Variants in ANKS6 observed in about 807,000 individuals in gnomAD.
The protein encoded by ANKS6 is ankyrin repeat and sterile alpha motif domain containing 6, also known as ankyrin repeat and SAM domain-containing protein 6.
In ANKS6, 47 loss-of-function variants were observed where a neutral mutation model predicts 77.9. The ratio of observed to expected loss-of-function variants is 0.60; its 90% confidence interval spans 0.48 to 0.77. The LOEUF is 0.77. Ranked by LOEUF, ANKS6 falls within the 30% of genes least tolerant of loss-of-function variation. The probability of loss-of-function intolerance (pLI) is 0.00; values close to 1 mark genes in which losing one functional copy is unlikely to be tolerated. For synonymous variants in ANKS6, 488 were observed against 501.7 expected, an observed-to-expected ratio of 0.97 and a Z score of 0.37; for missense variants, 1,150 against 1,159.1, an observed-to-expected ratio of 0.99 and a Z score of 0.11.
Position 98,732,441 on chromosome 9 carries a change from A to G in ANKS6, c.*4078T>C. 1 of 1,509,276 alleles carries G rather than the reference A, an allele frequency of 6.6e-7. No individual in the cohort carries two copies. Among genetic ancestry groups the G allele is most frequent in the Non-Finnish European group, 9.0e-7 (1 of 1,110,914 alleles). 93.5% of individuals were successfully genotyped at this position (1,509,276 alleles called of 1,614,324 possible). On this transcript the variant is annotated 3_prime_UTR_variant, in exon 15 of 15. Coordinates refer to ENST00000353234, the MANE Select transcript of ANKS6 (RefSeq NM_173551.5). ...CCAGAGTCAGGCACATTTGGAGGGC[A>G]GGTCCATCGGCCACTCCTCACTTCT...
intron 2 of ANKS6, 152 bp from the exon 3 acceptor site, chr9:98,785,028 C>A (rs1834489959): frequency 1.5e-6 from 1 of 661,388 alleles, no homozygotes. Context: ...AATCCAGCAG[C>A]TCTTCTGGAA....
intron 14 of ANKS6, among the ~76,000 whole-genome samples, chr9:98,739,296 G>A (rs1423531045): frequency 1.3e-5 from 2 of 151,916 alleles, no homozygotes; most frequent in Non-Finnish European, 2.9e-5. Context: ...CAACAACAAC[G>A]ACAACAACAA....
Position 98,768,510 on chromosome 9 carries a change from G to A in ANKS6, c.1973-260C>T, listed in dbSNP as rs13288472. ...CAAAGGCAAAACCCAGTCCATCCTCGCTTTCCCCGTGCCACAGCCAGCTTG... is the reference window on the plus strand; with the variant it reads ...CAAAGGCAAAACCCAGTCCATCCTCACTTTCCCCGTGCCACAGCCAGCTTG... On this transcript the variant is annotated intron_variant, in intron 10 of 14. Coordinates refer to ENST00000353234, the MANE Select transcript of ANKS6 (RefSeq NM_173551.5). 0.013 allele frequency among the ~76,000 whole-genome samples: 2,051 copies of A among 152,230 alleles called. 31 individuals carry two copies. Among genetic ancestry groups the A allele is most frequent in the Non-Finnish European group, 0.021 (1,419 of 68,006 alleles).
intron 11 of ANKS6, among the ~76,000 whole-genome samples, chr9:98,759,884 C>A (rs1832917649): frequency 6.6e-6 from 1 of 152,212 alleles, no homozygotes; most frequent in Non-Finnish European, 1.5e-5. Flanking sequence ...AAAACTATAG[C>A]TAGATAGGAG....
At chr9:98,768,575 C>T (rs1833437535) in intron 10 of ANKS6, among the ~76,000 whole-genome samples, 2 of 152,200 alleles carry the variant, frequency 1.3e-5, no homozygotes, top group Admixed American at 6.5e-5. Context: ...ACCCTGCACT[C>T]GATGCCCACA....
chr9:98,784,247 C>T (rs1834438920), intron 3 of ANKS6, 90 bp from the exon 4 acceptor site: 3 of 1,223,580 alleles, frequency 2.5e-6, no homozygotes, highest in Non-Finnish European at 2.2e-6. Flanking sequence ...CACTTGCTGG[C>T]CCTGCTCTGC....
rs1247052786 is a variant in ANKS6 at position 98,732,694 on chromosome 9, G to A, written c.*3825C>T. The A allele has an allele frequency of 2.0e-6, 3 of 1,468,758 alleles. No homozygotes were observed. Among genetic ancestry groups the A allele is most frequent in the Non-Finnish European group, 2.7e-6 (3 of 1,114,112 alleles). The allele number at this position is 1,468,758 out of a possible 1,614,324, so 91.0% of individuals were successfully genotyped here. On this transcript the variant is annotated 3_prime_UTR_variant, in exon 15 of 15. Coordinates refer to ENST00000353234, the MANE Select transcript of ANKS6 (RefSeq NM_173551.5). The stretch of plus-strand genomic sequence containing the variant: ...TTCTCACTTTCACATGATCCCTGGG[G>A]GCTACTATCCCCCTGTAACCAAAAG...
At chr9:98,745,735 C>T (rs535145297) in intron 13 of ANKS6, 60 bp from the exon 14 acceptor site, 1 of 1,270,390 alleles carries the variant, frequency 7.9e-7, no homozygotes, top group African/African-American at 1.5e-5. Context: ...TTCCCAGTCA[C>T]AACAGCAATC....
At chr9:98,748,341 A>G (rs1832255116) in intron 13 of ANKS6, among the ~76,000 whole-genome samples, 1 of 152,208 alleles carries the variant, frequency 6.6e-6, no homozygotes, top group Non-Finnish European at 1.5e-5. Context: ...CTACTTGTGA[A>G]GGGGTAGCAG....
chr9:98,781,878 CG>C lies in ANKS6; in HGVS notation c.1219+588del, dbSNP rs34478063. On this transcript the variant is annotated intron_variant, in intron 5 of 14. Coordinates refer to ENST00000353234, the MANE Select transcript of ANKS6 (RefSeq NM_173551.5). ...TGAAACTCCAGGTTGATAAGAAAGA[CG>C]ACAGATCAGAGACCTTTCCCCTTGA... Among the ~76,000 whole-genome samples, 789 of 152,250 alleles carry C rather than the reference CG, an allele frequency of 5.2e-3. 6 individuals are homozygous for C. Among genetic ancestry groups the C allele is most frequent in the South Asian group, 0.024 (114 of 4,824 alleles).
chr9:98,753,349 T>C (rs1832528949), intron 12 of ANKS6, among the ~76,000 whole-genome samples: 1 of 152,216 alleles, frequency 6.6e-6, no homozygotes, highest in African/African-American at 2.4e-5. Flanking sequence ...GTGAGCAACT[T>C]GGCTGAATCA....
intron 1 of ANKS6, 105 bp from the exon 2 acceptor site, chr9:98,790,711 G>T: frequency 7.0e-7 from 1 of 1,431,526 alleles, no homozygotes; most frequent in Non-Finnish European, 9.5e-7. Flanking sequence ...AGCTGCTCAT[G>T]ATAAGAGGTC....
chr9:98,785,164 G>T (rs754178616), intron 2 of ANKS6, among the ~76,000 whole-genome samples: 1 of 152,190 alleles, frequency 6.6e-6, no homozygotes, highest in Non-Finnish European at 1.5e-5. Context: ...CAAAACAAAC[G>T]TTGGCATATC....
intron 14 of ANKS6, among the ~76,000 whole-genome samples, chr9:98,738,592 A>C (rs1286261593): frequency 2.0e-5 from 3 of 152,022 alleles, no homozygotes; most frequent in Non-Finnish European, 4.4e-5. Context: ...AAAAAAAAAA[A>C]CAGTAGATGC....
chr9:98,773,769 A>G (rs1001206918), intron 9 of ANKS6, 108 bp downstream of exon 9: 3 of 1,030,560 alleles, frequency 2.9e-6, no homozygotes, highest in African/African-American at 1.6e-5. Context: ...AGAAAAAAAA[A>G]GTTGCAACCC....
intron 11 of ANKS6, among the ~76,000 whole-genome samples, chr9:98,758,742 GTC>G (rs1219022265): frequency 1.3e-5 from 2 of 152,064 alleles, no homozygotes; most frequent in Non-Finnish European, 2.9e-5. Context: ...CTTTGATTCT[GTC>G]TCTGACAGTA....
chr9:98,780,052 G>A (rs1430071871), intron 6 of ANKS6, 137 bp downstream of exon 6: 3 of 1,217,502 alleles, frequency 2.5e-6, no homozygotes, highest in Non-Finnish European at 3.5e-6. Flanking sequence ...GTTTCCTATT[G>A]CTCAATGCCA....
chr9:98,768,336 G>A, intron 10 of ANKS6, 86 bp from the exon 11 acceptor site: 1 of 1,506,344 alleles, frequency 6.6e-7, no homozygotes, highest in Non-Finnish European at 9.1e-7. Flanking sequence ...TGATGATTGG[G>A]TTGGAGCCAG....
intron 4 of ANKS6, chr9:98,783,657 T>C (rs1004361185): frequency 7.0e-6 from 2 of 284,052 alleles, no homozygotes; most frequent in Admixed American, 1.0e-4. Flanking sequence ...TCAGTCACTG[T>C]GTTCAACTGA....
Sources: gnomAD v4.1 joint callset for allele counts (sites outside exome capture counted in the v4.1 genomes callset) on GRCh38, gnomAD v4.1.1 for gene constraint, MANE v1.5 for transcripts, NCBI Gene and HGNC (gene_info 2026-07-23, HGNC 2026-07-21) for gene names.